The following TAF1 variants were observed in gnomAD, a reference collection of about 807,000 sequenced individuals.
TAF1 encodes transcription initiation factor TFIID subunit 1.
In TAF1, 2 loss-of-function variants were observed where a neutral mutation model predicts 138.5. That is an observed-to-expected ratio of 0.01 (90% confidence interval 0.01 to 0.05). The LOEUF (loss-of-function observed/expected upper bound fraction) is 0.05. Among genes scored for constraint, TAF1 ranks in the 10% least tolerant of loss-of-function variants. TAF1 has a pLI of 1.00. For synonymous variants in TAF1, 437 were observed against 503.2 expected, an observed-to-expected ratio of 0.87 and a Z score of 1.76; for missense variants, 709 against 1,478.0, an observed-to-expected ratio of 0.48 and a Z score of 8.53.
chrX:71,378,096 T>G lies in TAF1; in HGVS notation c.934-139T>G, dbSNP rs556692331. Reference sequence around the variant, plus strand: ...GATAGGTGGAATGTGCTATGATACATCTCCATTGTTTACATTCTAACTCCA... The same window carrying G: ...GATAGGTGGAATGTGCTATGATACAGCTCCATTGTTTACATTCTAACTCCA... On this transcript the variant is annotated intron_variant, in intron 6 of 37. Coordinates refer to ENST00000423759, the MANE Select transcript of TAF1 (RefSeq NM_004606.5). 98 of 651,234 alleles carry G rather than the reference T, an allele frequency of 1.5e-4. No individual in the cohort carries two copies. In the South Asian group the frequency reaches 2.5e-3, roughly 16 times the overall value. 53.7% of individuals were successfully genotyped at this position (651,234 alleles called of 1,213,427 possible).
intron 32 of TAF1, among the ~76,000 whole-genome samples, chrX:71,433,589 A>G (rs2036995819): frequency 9.0e-6 from 1 of 111,276 alleles, no homozygotes; most frequent in Non-Finnish European, 1.9e-5. Context: ...ATTTTTCAAG[A>G]GAAGCTGAAA....
chrX:71,446,158 G>GC (rs1253292797), intron 32 of TAF1, among the ~76,000 whole-genome samples: 1 of 111,141 alleles, frequency 9.0e-6, no homozygotes, highest in Non-Finnish European at 1.9e-5. Flanking sequence ...TGACCCACCT[G>GC]CCTCAGGCTC....
intron 32 of TAF1, among the ~76,000 whole-genome samples, chrX:71,432,535 TC>T (rs2036939007): frequency 9.1e-6 from 1 of 109,754 alleles, no homozygotes; most frequent in African/African-American, 3.3e-5. Flanking sequence ...TTGGCACAGT[TC>T]TGTAATTTTT....
chrX:71,463,741 G>A, intron 37 of TAF1, 83 bp from the exon 38 acceptor site: 1 of 959,860 alleles, frequency 1.0e-6, no homozygotes, highest in Non-Finnish European at 1.5e-6. Context: ...GAGATGGGCT[G>A]ATCCTTTGGT....
intron 32 of TAF1, among the ~76,000 whole-genome samples, chrX:71,433,724 C>G (rs2037003209): frequency 9.0e-6 from 1 of 110,961 alleles, no homozygotes; most frequent in African/African-American, 3.3e-5. Context: ...AGTCTTCAAC[C>G]TCTGGCATAG....
chrX:71,393,227 TG>T, intron 20 of TAF1, 73 bp from the exon 21 acceptor site: 26 of 805,769 alleles, frequency 3.2e-5, no homozygotes, highest in East Asian at 5.5e-5. Context: ...GAATGATTTG[TG>T]TGTGTGTGTG....
intron 32 of TAF1, among the ~76,000 whole-genome samples, chrX:71,435,072 A>G (rs1225500226): frequency 1.8e-5 from 2 of 112,206 alleles, no homozygotes; most frequent in Non-Finnish European, 3.8e-5. Context: ...CTCTTTCCCA[A>G]AGATTTCATA....
chrX:71,431,032 T>TG (rs1491279724), intron 32 of TAF1, among the ~76,000 whole-genome samples: 78 of 92,292 alleles, frequency 8.5e-4, no homozygotes, highest in African/African-American at 3.2e-3. Flanking sequence ...TTTTTTTTTT[T>TG]GAGACAGAAT....
chrX:71,440,150 T>C (rs952527249), intron 32 of TAF1, among the ~76,000 whole-genome samples: 4 of 111,580 alleles, frequency 3.6e-5, no homozygotes, highest in Non-Finnish European at 7.5e-5. Flanking sequence ...GTTCTCCATC[T>C]CTATAGTTTT....
At chrX:71,398,539 G>A (rs1329703633) in intron 23 of TAF1, 33 bp from the exon 24 acceptor site, 1 of 1,202,837 alleles carries the variant, frequency 8.3e-7, no homozygotes, top group East Asian at 3.0e-5. Flanking sequence ...ATGGTCCTGT[G>A]ATTTTTCTTC....
At chrX:71,512,896 G>T (rs2039759491) in intron 13 of TAF1, among the ~76,000 whole-genome samples, 1 of 112,250 alleles carries the variant, frequency 8.9e-6, no homozygotes, top group African/African-American at 3.2e-5. Flanking sequence ...ATGAATAAGA[G>T]CTTTCAACGA....
chrX:71,384,627 C>G (rs180806811), intron 13 of TAF1, among the ~76,000 whole-genome samples: 1 of 110,833 alleles, frequency 9.0e-6, no homozygotes, highest in East Asian at 2.8e-4. Flanking sequence ...CCAGGATGGT[C>G]TCGATCTCTT....
At chrX:71,475,985 C>T (rs1428187771) in intron 13 of TAF1, among the ~76,000 whole-genome samples, 1 of 111,549 alleles carries the variant, frequency 9.0e-6, no homozygotes, top group Non-Finnish European at 1.9e-5. Flanking sequence ...ATGTAACATG[C>T]TGGCTCCCCT....
Position 71,388,188 on chromosome X carries a change from C to G in TAF1, c.2428-49C>G, listed in dbSNP as rs771335142. On this transcript the variant is annotated intron_variant, in intron 15 of 37. Transcript: ENST00000423759. ...GCAAAGGAAGAGGCCCTAGTGAGGA[C>G]TTTTATCCTTTTCTTTGCCAAATAA... The G allele has an allele frequency of 2.5e-6, 3 of 1,201,870 alleles. No individual in the cohort carries two copies. The East Asian group carries it at 8.9e-5, about 36-fold the overall frequency.
chrX:71,399,817 C>T (rs955799299), intron 24 of TAF1, among the ~76,000 whole-genome samples: 3 of 110,344 alleles, frequency 2.7e-5, no homozygotes, highest in Non-Finnish European at 5.7e-5. Context: ...CTGCAACCTC[C>T]ACCTTCCCGT....
chrX:71,385,436 G>A (rs2034152125), intron 14 of TAF1, among the ~76,000 whole-genome samples: 1 of 111,341 alleles, frequency 9.0e-6, no homozygotes, highest in East Asian at 2.8e-4. Flanking sequence ...AACCACACCT[G>A]AACTGTGCCA....
chrX:71,376,467 A>T (rs2033477132), intron 4 of TAF1, among the ~76,000 whole-genome samples: 1 of 110,454 alleles, frequency 9.1e-6, no homozygotes, highest in South Asian at 3.8e-4. Context: ...GGAGTTCAAG[A>T]CCAGACTGGC....
intron 13 of TAF1, among the ~76,000 whole-genome samples, chrX:71,501,414 G>T (rs2039504706): frequency 9.0e-6 from 1 of 111,328 alleles, no homozygotes; most frequent in Non-Finnish European, 1.9e-5. Flanking sequence ...AACTAGAAAA[G>T]CACCAGAGAC....
chrX:71,519,656 T>TA (rs752423306), intron 13 of TAF1, among the ~76,000 whole-genome samples: 1 of 109,082 alleles, frequency 9.2e-6, no homozygotes, highest in East Asian at 2.9e-4. Context: ...AAAATAAAAA[T>TA]AAAAAAAATA....
Sources: gnomAD v4.1 joint callset for allele counts (sites outside exome capture counted in the v4.1 genomes callset) on GRCh38, gnomAD v4.1.1 for gene constraint, MANE v1.5 for transcripts, NCBI Gene and HGNC (gene_info 2026-07-23, HGNC 2026-07-21) for gene names.